The following SFI1 variants were observed in gnomAD, a reference collection of about 807,000 sequenced individuals.
SFI1 encodes the protein SFI1 centrin binding protein.
A neutral mutation model predicts 207.5 loss-of-function variants in SFI1; 195 were observed. That is an observed-to-expected ratio of 0.94 (90% CI 0.84 to 1.06). SFI1 has a LOEUF of 1.06. Ranked by LOEUF, SFI1 falls within the 50% of genes least tolerant of loss-of-function variation. The probability of loss-of-function intolerance (pLI) is 0.00; values close to 1 mark genes in which losing one functional copy is unlikely to be tolerated. For missense variants in SFI1, 1,634 were observed against 1,588.0 expected, an observed-to-expected ratio of 1.03 and a Z score of -0.49; for synonymous variants, 630 against 598.9, an observed-to-expected ratio of 1.05 and a Z score of -0.76.
At chr22:31,506,034 A>C (rs2054578456) in intron 1 of SFI1, among the ~76,000 whole-genome samples, 1 of 148,844 alleles carries the variant, frequency 6.7e-6, no homozygotes, top group South Asian at 2.1e-4. Context: ...CCTGGGTGAC[A>C]GAGGGAAATC....
chr22:31,582,202 C>CTCT (rs752445800), intron 12 of SFI1, among the ~76,000 whole-genome samples: 3 of 42,476 alleles, frequency 7.1e-5, no homozygotes, highest in African/African-American at 9.6e-5. Context: ...TTCTTTATTA[C>CTCT]ATTTTATATA....
intron 21 of SFI1, among the ~76,000 whole-genome samples, chr22:31,607,082 A>AAG (rs2069156609): frequency 6.6e-6 from 1 of 152,010 alleles, no homozygotes; most frequent in Admixed American, 6.6e-5. Flanking sequence ...AAGAAAAGAA[A>AAG]AAATACCCGA....
At chr22:31,532,775 T>C (rs909437117) in intron 4 of SFI1, among the ~76,000 whole-genome samples, 3 of 152,154 alleles carry the variant, frequency 2.0e-5, no homozygotes, top group African/African-American at 7.2e-5. Flanking sequence ...GGTAAATCAA[T>C]CACTGTGACA....
At chr22:31,576,891 C>T (rs987413036) in intron 10 of SFI1, among the ~76,000 whole-genome samples, 1 of 151,892 alleles carries the variant, frequency 6.6e-6, no homozygotes, top group Admixed American at 6.6e-5. Context: ...GTGATCTGCC[C>T]GCCTCGGCCT....
intron 2 of SFI1, among the ~76,000 whole-genome samples, chr22:31,525,396 AG>A (rs2057786232): frequency 6.6e-6 from 1 of 152,074 alleles, no homozygotes; most frequent in Non-Finnish European, 1.5e-5. Flanking sequence ...TTTATTAAGG[AG>A]GGTGTCCTTT....
chr22:31,556,033 A>G (rs2061127083), intron 6 of SFI1, among the ~76,000 whole-genome samples: 1 of 152,298 alleles, frequency 6.6e-6, no homozygotes, highest in African/African-American at 2.4e-5. Flanking sequence ...GACTTTCATA[A>G]TGAAAATACA....
chr22:31,566,407 A>C (rs1041259377), intron 8 of SFI1, among the ~76,000 whole-genome samples: 2 of 152,096 alleles, frequency 1.3e-5, no homozygotes, highest in Non-Finnish European at 2.9e-5. Context: ...GTTTCTTTTA[A>C]TTATTCACGG....
intron 22 of SFI1, among the ~76,000 whole-genome samples, chr22:31,610,379 T>C (rs905256452): frequency 2.6e-5 from 4 of 152,158 alleles, no homozygotes; most frequent in African/African-American, 9.7e-5. Context: ...GGTAGAGAGA[T>C]ACACACTTAG....
rs534439504 is a variant in SFI1, at chr22:31,508,279, T to C, written c.-6T>C. 4 of 1,579,670 alleles carry C rather than the reference T, an allele frequency of 2.5e-6. No homozygotes were observed. The highest frequency in any genetic ancestry group is 1.1e-5 in the South Asian group (1 of 89,552). ...GTTAGAAGGGGAAGATAAAAGACTT[T>C]GATTCATGAAGAATCTGCTCACTGA... On this transcript the variant is annotated 5_prime_UTR_variant, in exon 2 of 33. An upstream open reading frame in the 5' UTR loses its in-frame stop. Transcript: ENST00000400288.
chr22:31,612,433 T>G (rs2070497862), intron 24 of SFI1: 1 of 94,620 alleles, frequency 1.1e-5, no homozygotes, highest in Non-Finnish European at 2.1e-5. Context: ...ATATAATCAG[T>G]GGGCCGGGCA....
chr22:31,561,882 CAT>C (rs1656302784), intron 8 of SFI1, among the ~76,000 whole-genome samples: 1 of 152,110 alleles, frequency 6.6e-6, no homozygotes. Flanking sequence ...TATCCTTTGA[CAT>C]ATTCTCTGAA....
At chr22:31,546,196 G>A (rs1480143835) in intron 4 of SFI1, among the ~76,000 whole-genome samples, 1 of 151,892 alleles carries the variant, frequency 6.6e-6, no homozygotes, top group East Asian at 1.9e-4. Context: ...CCTAGATGGA[G>A]TCTTGCTATG....
chr22:31,612,078 T>C, intron 24 of SFI1: 1 of 1,240,086 alleles, frequency 8.1e-7, no homozygotes, highest in Non-Finnish European at 1.0e-6. Context: ...AGTGTTGTAT[T>C]AAAAAATACA....
intron 1 of SFI1, chr22:31,497,318 C>T (rs2052858027): frequency 6.6e-6 from 1 of 152,194 alleles, no homozygotes; most frequent in Non-Finnish European, 1.5e-5. Flanking sequence ...TTTTCAACAG[C>T]ATGTGCCCAC....
chr22:31,536,898 T>G (rs75891324), intron 4 of SFI1, among the ~76,000 whole-genome samples: 3,531 of 147,534 alleles, frequency 0.024, 123 homozygotes, highest in African/African-American at 0.082. Flanking sequence ...CTGTTTTTTG[T>G]TTTTTTTTTT....
At chr22:31,573,243 TAGA>T in intron 9 of SFI1, 29 bp downstream of exon 9, 1 of 1,609,394 alleles carries the variant, frequency 6.2e-7, no homozygotes, top group East Asian at 2.2e-5. Flanking sequence ...GCTCTCGAGA[TAGA>T]GGATCTGGTC....
intron 11 of SFI1, 53 bp from the exon 12 acceptor site, chr22:31,580,219 C>G (rs2063949134): frequency 6.9e-7 from 1 of 1,443,560 alleles, no homozygotes; most frequent in African/African-American, 1.4e-5. Context: ...TCTTAGTTTA[C>G]AGACTCTACT....
At chr22:31,545,575 A>AT (rs879660896) in intron 4 of SFI1, among the ~76,000 whole-genome samples, 4,175 of 116,886 alleles carry the variant, frequency 0.036, 122 homozygotes, top group Admixed American at 0.089. Context: ...ATTTAATTTA[A>AT]TTTAATTTAA....
chr22:31,591,522 C>A (rs906364311), intron 15 of SFI1, among the ~76,000 whole-genome samples: 2 of 149,106 alleles, frequency 1.3e-5, no homozygotes, highest in African/African-American at 5.0e-5. Flanking sequence ...CAGAGGGGCT[C>A]CTCACTTCCC....
Sources: allele counts gnomAD v4.1 joint callset (sites outside exome capture counted in the v4.1 genomes callset), GRCh38; gene constraint gnomAD v4.1.1; transcripts MANE v1.5; gene names NCBI Gene and HGNC (gene_info 2026-07-23, HGNC 2026-07-21).